Variants in TMEM51 observed in about 807,000 individuals in gnomAD.
The protein encoded by TMEM51 is transmembrane protein 51.
In TMEM51, 8 loss-of-function variants were observed where a neutral mutation model predicts 13.6. That is an observed-to-expected ratio of 0.59 (90% CI 0.35 to 1.07). The LOEUF (loss-of-function observed/expected upper bound fraction) is 1.07, where lower values mean the gene tolerates loss of function less well. Among genes scored for constraint, TMEM51 ranks in the 50% least tolerant of loss-of-function variants. The pLI is 0.02. For synonymous variants in TMEM51, 147 were observed against 144.4 expected, an observed-to-expected ratio of 1.02 and a Z score of -0.13; for missense variants, 279 against 330.7, an observed-to-expected ratio of 0.84 and a Z score of 1.21.
chr1:15,196,548 C>T (rs1293111340), intron 1 of TMEM51, among the ~76,000 whole-genome samples: 1 of 152,156 alleles, frequency 6.6e-6, no homozygotes, highest in Non-Finnish European at 1.5e-5. Flanking sequence ...GAGACAGGGT[C>T]TTTCTATGTT....
At chr1:15,176,899 A>T (rs1643471624) in intron 1 of TMEM51, among the ~76,000 whole-genome samples, 2 of 152,172 alleles carry the variant, frequency 1.3e-5, no homozygotes, top group African/African-American at 2.4e-5. Flanking sequence ...GAGAAGTGAG[A>T]AGGAGATGGA....
chr1:15,211,370 A>G (rs1213177735), intron 2 of TMEM51, among the ~76,000 whole-genome samples: 2 of 152,220 alleles, frequency 1.3e-5, no homozygotes, highest in Non-Finnish European at 2.9e-5. Flanking sequence ...CCTGTCCCCA[A>G]GAAACAATTT....
Position 15,214,844 on chromosome 1 carries a change from G to A in TMEM51, c.-193-51G>A, listed in dbSNP as rs544915836. 46 of 511,326 alleles carry A rather than the reference G, an allele frequency of 9.0e-5. 1 individual carries two copies. Among genetic ancestry groups the A allele is most frequent in the South Asian group, 6.6e-4 (23 of 34,976 alleles). The allele number at this position is 511,326 out of a possible 1,614,324, so 31.7% of individuals were successfully genotyped here. ...AGCAGAGCCGCCACATTCACAAAGC[G>A]TCTGGAATCGGAACTGATCGTCCTC... On this transcript the variant is annotated intron_variant, in intron 2 of 3. Coordinates refer to ENST00000376008, the MANE Select transcript of TMEM51 (RefSeq NM_001136218.2).
At chr1:15,154,899 G>T (rs1193141613) in intron 1 of TMEM51, among the ~76,000 whole-genome samples, 2 of 148,100 alleles carry the variant, frequency 1.4e-5, no homozygotes, top group East Asian at 4.3e-4. Context: ...GGTGGGCGGG[G>T]ACGAGGTGGG....
chr1:15,153,070 C>T (rs772755785), upstream of TMEM51, among the ~76,000 whole-genome samples: 2 of 152,190 alleles, frequency 1.3e-5, no homozygotes, highest in Non-Finnish European at 2.9e-5. Flanking sequence ...CCGAGGGCGC[C>T]CTGGGGACCA....
chr1:15,216,324 G>T (rs911536895), intron 3 of TMEM51, among the ~76,000 whole-genome samples: 3 of 152,140 alleles, frequency 2.0e-5, no homozygotes, highest in Non-Finnish European at 4.4e-5. Context: ...TATAAAAAGA[G>T]CTCTTAGAAA....
intron 1 of TMEM51, among the ~76,000 whole-genome samples, chr1:15,165,309 A>G (rs942731299): frequency 6.6e-6 from 1 of 152,144 alleles, no homozygotes; most frequent in African/African-American, 2.4e-5. Context: ...CTGTCTCAAA[A>G]AAAAGAAGAA....
rs1034454679 is a variant in TMEM51, at chr1:15,207,169, A to G, written c.-266-3321A>G. Among the ~76,000 whole-genome samples the G allele has an allele frequency of 6.6e-5, 10 of 152,314 alleles. No individual in the cohort carries two copies. The highest frequency in any genetic ancestry group is 5.9e-4 in the Admixed American group (9 of 15,300). On this transcript the variant is annotated intron_variant, in intron 1 of 3. Coordinates refer to ENST00000376008, the MANE Select transcript of TMEM51 (RefSeq NM_001136218.2). The surrounding 1 kb of genome is among the most constrained non-coding windows in gnomAD (Gnocchi z 4.6). The stretch of plus-strand genomic sequence containing the variant: ...CAGCTTGGCAGGAAGAGGTCGGTGC[A>G]GGGAGAATGCTCAAGGAGCCCCTCT...
chr1:15,159,826 A>G (rs1462448578), intron 1 of TMEM51, among the ~76,000 whole-genome samples: 2 of 152,014 alleles, frequency 1.3e-5, no homozygotes, highest in African/African-American at 4.8e-5. Flanking sequence ...ATGAACCACC[A>G]CACCTAGCCT....
intron 1 of TMEM51, among the ~76,000 whole-genome samples, chr1:15,201,043 T>C (rs141210035): frequency 7.9e-5 from 12 of 152,306 alleles, no homozygotes; most frequent in African/African-American, 2.4e-4. Flanking sequence ...ACTTACCCAA[T>C]AGTTGGTTTG....
rs1644275560 is a variant in TMEM51 at position 15,207,705 on chromosome 1, G to A, written c.-266-2785G>A. 6.6e-6 allele frequency among the ~76,000 whole-genome samples: 1 copy of A among 152,180 alleles called. No individual in the cohort carries two copies. Among genetic ancestry groups the A allele is most frequent in the South Asian group, 2.1e-4 (1 of 4,834 alleles). Reference sequence around the variant, plus strand: ...CCAGCGTGGAGCGGTGAGGCTAAAGGCTTCCATGTTCCCTGCTGACTTCCA... The same window carrying A: ...CCAGCGTGGAGCGGTGAGGCTAAAGACTTCCATGTTCCCTGCTGACTTCCA... On this transcript the variant is annotated intron_variant, in intron 1 of 3. Coordinates refer to ENST00000376008, the MANE Select transcript of TMEM51 (RefSeq NM_001136218.2). The surrounding 1 kb of genome is among the most constrained non-coding windows in gnomAD (Gnocchi z 4.6).
At chr1:15,208,274 A>G (rs1644283470) in intron 1 of TMEM51, among the ~76,000 whole-genome samples, 1 of 152,176 alleles carries the variant, frequency 6.6e-6, no homozygotes, top group African/African-American at 2.4e-5. Context: ...ATGGTCAGAG[A>G]GGTGCTCACT....
chr1:15,164,951 C>T (rs532133251), intron 1 of TMEM51, among the ~76,000 whole-genome samples: 47 of 150,436 alleles, frequency 3.1e-4, no homozygotes, highest in East Asian at 7.7e-4. Flanking sequence ...TACAGGTGCG[C>T]GCCACCACAC....
Position 15,189,084 on chromosome 1 carries a change from A to G in TMEM51, c.-266-21406A>G, listed in dbSNP as rs374719238. ...GAGACAGAATCTCGCTGTGTTGCCC[A>G]GGCGGGAATACAGTGGTGTGGTCTA... On this transcript the variant is annotated intron_variant, in intron 1 of 3. Transcript: ENST00000376008. Among the ~76,000 whole-genome samples, 7 of 152,124 alleles carry G rather than the reference A, an allele frequency of 4.6e-5. No homozygotes were observed. In the East Asian group the frequency reaches 5.8e-4, roughly 13 times the overall value.
intron 1 of TMEM51, among the ~76,000 whole-genome samples, chr1:15,169,921 C>T (rs1240635570): frequency 6.6e-6 from 1 of 152,096 alleles, no homozygotes; most frequent in Admixed American, 6.5e-5. Flanking sequence ...CCCTTTCTCC[C>T]TGTCTTCTCT....
intron 1 of TMEM51, among the ~76,000 whole-genome samples, chr1:15,167,609 T>G (rs1040533868): frequency 6.6e-6 from 1 of 152,218 alleles, no homozygotes; most frequent in Non-Finnish European, 1.5e-5. Flanking sequence ...ATGAAATGAC[T>G]AAACTTAGGA....
intron 1 of TMEM51, among the ~76,000 whole-genome samples, chr1:15,200,692 C>T (rs941822661): frequency 6.6e-6 from 1 of 152,182 alleles, no homozygotes; most frequent in African/African-American, 2.4e-5. Context: ...CCCTCCCCTT[C>T]CCTGCAAGCT....
At chr1:15,184,893 G>C (rs1236212918) in intron 1 of TMEM51, among the ~76,000 whole-genome samples, 1 of 151,892 alleles carries the variant, frequency 6.6e-6, no homozygotes. Context: ...GTATCTAGTA[G>C]GTAGAGACCA....
chr1:15,168,546 A>G, intron 1 of TMEM51: 1 of 1,304,930 alleles, frequency 7.7e-7, no homozygotes, highest in Non-Finnish European at 1.0e-6. Context: ...CTGATTTAAC[A>G]GCATAGGCTG....
Sources: allele counts gnomAD v4.1 joint callset (sites outside exome capture counted in the v4.1 genomes callset), GRCh38; gene constraint gnomAD v4.1.1; non-coding constraint Gnocchi (gnomAD v3.1); transcripts MANE v1.5; gene names NCBI Gene and HGNC (gene_info 2026-07-23, HGNC 2026-07-21).